Variants in TRMT10B observed in about 807,000 individuals in gnomAD.
TRMT10B encodes the protein tRNA methyltransferase 10 homolog B.
A neutral mutation model predicts 43.8 loss-of-function variants in TRMT10B; 33 were observed. That is an observed-to-expected ratio of 0.75 (90% CI 0.57 to 1.01). The LOEUF (loss-of-function observed/expected upper bound fraction) is 1.01, where lower values mean the gene tolerates loss of function less well. TRMT10B is among the 50% of genes least tolerant of loss of function. The pLI, the probability that TRMT10B is intolerant of heterozygous loss-of-function variation, is 0.00. For synonymous variants in TRMT10B, 137 were observed against 130.6 expected (o/e 1.05, Z -0.34); for missense variants, 362 against 369.8 (o/e 0.98, Z 0.17).
intron 6 of TRMT10B, among the ~76,000 whole-genome samples, chr9:37,770,342 T>C (rs974125510): frequency 6.6e-6 from 1 of 152,318 alleles, no homozygotes; most frequent in East Asian, 1.9e-4. Context: ...TCCTAGAAAA[T>C]CATTCATTTC....
At chr9:37,775,906 C>G (rs1210816060) in intron 7 of TRMT10B, among the ~76,000 whole-genome samples, 2 of 152,196 alleles carry the variant, frequency 1.3e-5, no homozygotes, top group Non-Finnish European at 2.9e-5. Flanking sequence ...TCTTGTCTAC[C>G]TTTTCCTCTA....
chr9:37,758,360 T>A (rs1016864892), intron 1 of TRMT10B, among the ~76,000 whole-genome samples: 1 of 152,212 alleles, frequency 6.6e-6, no homozygotes, highest in Admixed American at 6.5e-5. Flanking sequence ...TGCAGTGAGC[T>A]GTGATTGCAC....
Position 37,762,069 on chromosome 9 carries a change from G to A in TRMT10B, c.138G>A (p.Glu46=), listed in dbSNP as rs376110227. Residue 46 remains glutamate (E), a synonymous_variant, in exon 2 of 9, where the codon GAG becomes GAA. Transcript: ENST00000297994. ...FQLLQIDAEG[E]CQEGEILATG... ...TTCTGCAGATCGATGCGGAAGGCGA[G>A]TGCCAGGAGGGAGAGATCCTGGCCA... The A allele has an allele frequency of 2.5e-6, 4 of 1,614,040 alleles. No homozygotes were observed. The highest frequency in any genetic ancestry group is 2.5e-6 in the Non-Finnish European group (3 of 1,180,018).
In TRMT10B at chr9:37,778,595, T is replaced by A. The variant is rs1828428151; in HGVS notation, c.*888T>A. ...AATTCAACTTTTGTACATCTATTTG[T>A]GAGAGACCTCTTGAAATTGTTTAAA... On this transcript the variant is annotated 3_prime_UTR_variant, in exon 9 of 9. Coordinates refer to ENST00000297994, the MANE Select transcript of TRMT10B (RefSeq NM_144964.4). 1 of 152,208 alleles carries A rather than the reference T, an allele frequency of 6.6e-6. No homozygotes were observed. Among genetic ancestry groups the A allele is most frequent in the East Asian group, 1.9e-4 (1 of 5,204 alleles). 9.4% of individuals were successfully genotyped at this position (152,208 alleles called of 1,614,324 possible). A position where few individuals can be genotyped will look rare whatever the true frequency, so the allele number is the denominator to read the frequency against.
chr9:37,759,109 A>T (rs1314313028), intron 1 of TRMT10B, among the ~76,000 whole-genome samples: 2 of 152,242 alleles, frequency 1.3e-5, no homozygotes, highest in Non-Finnish European at 2.9e-5. Context: ...TGAGTTAAAT[A>T]CACACCTATG....
intron 4 of TRMT10B, among the ~76,000 whole-genome samples, chr9:37,765,346 G>T (rs916217812): frequency 6.6e-6 from 1 of 152,066 alleles, no homozygotes; most frequent in Admixed American, 6.6e-5. Context: ...AGAACATACG[G>T]TGTTTGGTTT....
rs1206907236 is a variant in TRMT10B, at chr9:37,757,410, CATT to C, written c.-30+3561_-30+3563del. 3.3e-5 allele frequency among the ~76,000 whole-genome samples: 5 copies of C among 152,300 alleles called. No homozygotes were observed. In the East Asian group the frequency reaches 5.8e-4, roughly 18 times the overall value. ...TTTTCCTCATTTCTCTGGAGATACA[CATT>C]ATGAAATTTTATGCATGCCACTAAT... On this transcript the variant is annotated intron_variant, in intron 1 of 8. Coordinates refer to ENST00000297994, the MANE Select transcript of TRMT10B (RefSeq NM_144964.4).
intron 5 of TRMT10B, 107 bp downstream of exon 5, chr9:37,768,335 TC>T: frequency 7.7e-7 from 1 of 1,296,278 alleles, no homozygotes. Flanking sequence ...AGTATTGAAG[TC>T]TAAAAAAATT....
intron 1 of TRMT10B, 100 bp from the exon 2 acceptor site, chr9:37,761,803 C>A: frequency 1.2e-6 from 1 of 824,604 alleles, no homozygotes; most frequent in Non-Finnish European, 1.9e-6. Flanking sequence ...ATTTTACACA[C>A]TTCTTTCAGT....
chr9:37,759,161 G>A (rs1242555012), intron 1 of TRMT10B, among the ~76,000 whole-genome samples: 1 of 152,180 alleles, frequency 6.6e-6, no homozygotes, highest in African/African-American at 2.4e-5. Flanking sequence ...GTCAATGGAT[G>A]TGAAAACATG....
At chr9:37,768,025 T>A in intron 4 of TRMT10B, 51 bp from the exon 5 acceptor site, 1 of 1,603,434 alleles carries the variant, frequency 6.2e-7, no homozygotes, top group Non-Finnish European at 8.5e-7. Flanking sequence ...GATAGCTAAT[T>A]TAGAGTGAGT....
intron 6 of TRMT10B, 47 bp downstream of exon 6, chr9:37,770,066 T>C (rs1827398819): frequency 1.3e-6 from 2 of 1,515,840 alleles, no homozygotes; most frequent in Non-Finnish European, 1.8e-6. Context: ...GTTCCTGTGT[T>C]TCATTATTCC....
intron 1 of TRMT10B, among the ~76,000 whole-genome samples, chr9:37,757,163 A>T (rs1825819153): frequency 6.6e-6 from 1 of 152,140 alleles, no homozygotes; most frequent in African/African-American, 2.4e-5. Flanking sequence ...AGCCCACTGG[A>T]GCCTTGATCT....
chr9:37,772,256 A>C (rs373077731), intron 7 of TRMT10B, among the ~76,000 whole-genome samples: 3 of 151,408 alleles, frequency 2.0e-5, no homozygotes, highest in African/African-American at 7.3e-5. Flanking sequence ...CAAGCAATCT[A>C]CTCACCTCAG....
At chr9:37,761,688 A>C (rs1424124700) in intron 1 of TRMT10B, among the ~76,000 whole-genome samples, 1 of 152,152 alleles carries the variant, frequency 6.6e-6, no homozygotes, top group African/African-American at 2.4e-5. Flanking sequence ...ACGAGAGCAA[A>C]ACCGTCTCAA....
intron 8 of TRMT10B, 45 bp downstream of exon 8, chr9:37,776,450 C>A: frequency 6.3e-7 from 1 of 1,581,302 alleles, no homozygotes; most frequent in South Asian, 1.2e-5. Context: ...AGTTCTGGTG[C>A]TGCTGCTTTG....
At chr9:37,764,778 C>G (rs572529871) in intron 4 of TRMT10B, among the ~76,000 whole-genome samples, 1 of 152,062 alleles carries the variant, frequency 6.6e-6, no homozygotes, top group Non-Finnish European at 1.5e-5. Context: ...AAGAGGGATT[C>G]CCACACTAGA....
intron 1 of TRMT10B, among the ~76,000 whole-genome samples, chr9:37,756,696 G>A (rs1337606304): frequency 6.6e-6 from 1 of 151,766 alleles, no homozygotes; most frequent in Non-Finnish European, 1.5e-5. Context: ...TCCAGCCTGG[G>A]TGACAGAGCA....
chr9:37,767,986 G>GT, intron 4 of TRMT10B, 90 bp from the exon 5 acceptor site: 1 of 1,474,436 alleles, frequency 6.8e-7, no homozygotes, highest in Non-Finnish European at 9.4e-7. Flanking sequence ...CTGGAGTAGC[G>GT]TTCAGTGAAC....
Sources: allele counts gnomAD v4.1 joint callset (sites outside exome capture counted in the v4.1 genomes callset), GRCh38; gene constraint gnomAD v4.1.1; transcripts MANE v1.5; gene names NCBI Gene and HGNC (gene_info 2026-07-23, HGNC 2026-07-21).